Variants in GRID2 observed in about 807,000 individuals in gnomAD.
GRID2 encodes glutamate receptor ionotropic, delta-2.
In GRID2, 33 loss-of-function variants were observed where a neutral mutation model predicts 114.8. The observed-to-expected ratio is 0.29, with a 90% confidence interval of 0.22 to 0.38. GRID2 has a LOEUF of 0.38. Among genes scored for constraint, GRID2 ranks in the 10% least tolerant of loss-of-function variants. GRID2 has a pLI of 1.00. For missense variants in GRID2, 1,184 were observed against 1,257.7 expected, an observed-to-expected ratio of 0.94 and a Z score of 0.89; for synonymous variants, 505 against 449.9, an observed-to-expected ratio of 1.12 and a Z score of -1.55.
chr4:93,414,564 T>C (rs1767517217), intron 9 of GRID2, among the ~76,000 whole-genome samples: 1 of 152,058 alleles, frequency 6.6e-6, no homozygotes, highest in Admixed American at 6.6e-5. Flanking sequence ...CTTTCTTCTG[T>C]CTGAATGCTG....
chr4:93,314,383 A>G (rs1756361675), intron 8 of GRID2, among the ~76,000 whole-genome samples: 2 of 151,772 alleles, frequency 1.3e-5, no homozygotes, highest in African/African-American at 4.8e-5. Flanking sequence ...ACAAGACCCA[A>G]CATCATAAGT....
chr4:92,696,456 T>G (rs1039273459), intron 2 of GRID2, among the ~76,000 whole-genome samples: 1 of 152,172 alleles, frequency 6.6e-6, no homozygotes, highest in African/African-American at 2.4e-5. Flanking sequence ...TGACAGGAGT[T>G]AATTTTCCTT....
rs554455529 is a variant in GRID2 at position 93,041,979 on chromosome 4, T to G, written c.245-43016T>G. 2.0e-5 allele frequency among the ~76,000 whole-genome samples: 3 copies of G among 152,210 alleles called. No individual in the cohort carries two copies. The South Asian group carries it at 6.2e-4, about 32-fold the overall frequency. On this transcript the variant is annotated intron_variant, in intron 2 of 15. Transcript: ENST00000282020. ...GTGCAATGGCGTGGTCTCGACTCACTGCAACCTCTGCCTCCCAGGTTCACA... is the reference window on the plus strand; with the variant it reads ...GTGCAATGGCGTGGTCTCGACTCACGGCAACCTCTGCCTCCCAGGTTCACA...
intron 1 of GRID2, among the ~76,000 whole-genome samples, chr4:92,473,520 C>T (rs888029500): frequency 6.6e-6 from 1 of 152,026 alleles, no homozygotes; most frequent in Admixed American, 6.6e-5. Context: ...AGTATTCAAT[C>T]TTCACCATTA....
chr4:92,315,992 G>T (rs961563680), intron 1 of GRID2, among the ~76,000 whole-genome samples: 1 of 31,360 alleles, frequency 3.2e-5, no homozygotes, highest in Non-Finnish European at 5.6e-5. Context: ...AAAACAAAAA[G>T]CAAAAAAAAA....
At chr4:93,263,046 C>T (rs1475865861) in intron 8 of GRID2, among the ~76,000 whole-genome samples, 1 of 151,792 alleles carries the variant, frequency 6.6e-6, no homozygotes, top group Non-Finnish European at 1.5e-5. Flanking sequence ...GTGCCAGTTT[C>T]CATTTCTGTT....
chr4:92,785,922 G>A (rs1166338215), intron 2 of GRID2, among the ~76,000 whole-genome samples: 2 of 151,906 alleles, frequency 1.3e-5, no homozygotes, highest in Non-Finnish European at 2.9e-5. Flanking sequence ...GAAAATGACA[G>A]GGTTGGAACA....
At chr4:92,393,109 AAG>A (rs1278754556) in intron 1 of GRID2, among the ~76,000 whole-genome samples, 1 of 152,144 alleles carries the variant, frequency 6.6e-6, no homozygotes, top group East Asian at 1.9e-4. Context: ...AGGAGCAAGA[AAG>A]AGGGATAGAG....
At chr4:92,630,326 T>C (rs953359733) in intron 2 of GRID2, among the ~76,000 whole-genome samples, 13 of 152,160 alleles carry the variant, frequency 8.5e-5, no homozygotes, top group Non-Finnish European at 1.9e-4. Context: ...TATAATGAGT[T>C]AGAGTACTTA....
intron 2 of GRID2, among the ~76,000 whole-genome samples, chr4:92,698,298 A>C (rs562119680): frequency 1.3e-5 from 2 of 152,140 alleles, no homozygotes; most frequent in Non-Finnish European, 2.9e-5. Flanking sequence ...GTAAAGAAGT[A>C]AAGTCCACTA....
At chr4:93,708,168 G>A (rs534104822) in intron 14 of GRID2, among the ~76,000 whole-genome samples, 30 of 152,072 alleles carry the variant, frequency 2.0e-4, no homozygotes, top group Middle Eastern at 3.4e-3. Context: ...TTAGCCATTG[G>A]ATGAAATGTT....
At chr4:93,078,270 G>C (rs2149314116) in intron 2 of GRID2, among the ~76,000 whole-genome samples, 1 of 152,156 alleles carries the variant, frequency 6.6e-6, no homozygotes, top group Non-Finnish European at 1.5e-5. Flanking sequence ...CAGCTCTATA[G>C]TCACTTCTGT....
intron 2 of GRID2, among the ~76,000 whole-genome samples, chr4:92,881,806 A>C (rs184906215): frequency 2.1e-4 from 32 of 152,314 alleles, no homozygotes; most frequent in African/African-American, 5.8e-4. Flanking sequence ...GAAATGTTTT[A>C]TGAAATATAT....
At chr4:92,754,819 T>C (rs1737630528) in intron 2 of GRID2, among the ~76,000 whole-genome samples, 1 of 152,162 alleles carries the variant, frequency 6.6e-6, no homozygotes, top group South Asian at 2.1e-4. Context: ...AAAAGAGAAT[T>C]TTATTGGCTA....
intron 13 of GRID2, among the ~76,000 whole-genome samples, chr4:93,583,263 C>A (rs1737169101): frequency 1.3e-5 from 2 of 152,118 alleles, no homozygotes; most frequent in South Asian, 4.1e-4. Flanking sequence ...GAGGGGGGCA[C>A]TATTTAACTC....
intron 14 of GRID2, among the ~76,000 whole-genome samples, chr4:93,759,753 A>G (rs1440881376): frequency 1.3e-5 from 2 of 152,230 alleles, no homozygotes; most frequent in Non-Finnish European, 2.9e-5. Context: ...TGAGATACTC[A>G]TGTGGCTCTC....
chr4:93,309,935 AATTGTTTATACAT>A (rs1755837592), intron 8 of GRID2, among the ~76,000 whole-genome samples: 1 of 152,272 alleles, frequency 6.6e-6, no homozygotes, highest in African/African-American at 2.4e-5. Flanking sequence ...TTGCTTTATT[AATTGTTTATACAT>A]ATTGTGCAGG....
intron 2 of GRID2, among the ~76,000 whole-genome samples, chr4:92,780,740 C>A (rs1343297645): frequency 2.0e-5 from 3 of 152,010 alleles, no homozygotes; most frequent in Non-Finnish European, 4.4e-5. Flanking sequence ...AATGAGTATT[C>A]TGTGTGTATT....
chr4:92,715,490 A>C (rs766655416), intron 2 of GRID2, among the ~76,000 whole-genome samples: 1 of 151,966 alleles, frequency 6.6e-6, no homozygotes, highest in Non-Finnish European at 1.5e-5. Context: ...AATTTACTGT[A>C]TTATTCCTTT....
Sources: allele counts gnomAD v4.1 joint callset (sites outside exome capture counted in the v4.1 genomes callset), GRCh38; gene constraint gnomAD v4.1.1; transcripts MANE v1.5; gene names NCBI Gene and HGNC (gene_info 2026-07-23, HGNC 2026-07-21).